TRIP13: variants seen among roughly 807,000 people sequenced by gnomAD.
TRIP13 encodes the protein pachytene checkpoint protein 2 homolog.
TRIP13 carries 25 observed loss-of-function variants against 54.4 expected under a neutral mutation model. The observed-to-expected ratio is 0.46, with a 90% confidence interval of 0.33 to 0.64. TRIP13 has a LOEUF of 0.64. Ranked by LOEUF, TRIP13 falls within the 30% of genes least tolerant of loss-of-function variation. TRIP13 has a pLI of 0.02. For missense variants in TRIP13, 373 were observed against 534.2 expected (o/e 0.70, Z 2.97); for synonymous variants, 207 against 207.8 (o/e 1.00, Z 0.03).
Position 912,005 on chromosome 5 carries a change from A to ATTT in TRIP13, c.1020+17_1020+19dup. On this transcript the variant is annotated intron_variant, in intron 10 of 12. Transcript: ENST00000166345. This position sits in a 1 kb window ranked among gnomAD's most constrained non-coding sequence, Gnocchi z 7.2. ...TGGAAGAACTGATGAAGGTACCTTT[A>ATTT]TTTTTTTTTTCCTCTTGATACAAAT... 1 of 1,529,062 alleles carries ATTT rather than the reference A, an allele frequency of 6.5e-7. No homozygotes were observed. Among genetic ancestry groups the ATTT allele is most frequent in the Non-Finnish European group, 8.8e-7 (1 of 1,130,970 alleles). The allele number at this position is 1,529,062 out of a possible 1,614,324, so 94.7% of individuals were successfully genotyped here.
At position 907,936 on chromosome 5, in the gene TRIP13, C is replaced by T; in HGVS notation, c.673-52C>T. 1 of 1,582,432 alleles carries T rather than the reference C, an allele frequency of 6.3e-7. No homozygotes were observed. Among genetic ancestry groups the T allele is most frequent in the Non-Finnish European group, 8.7e-7 (1 of 1,151,166 alleles). ...GGCCACATCAGGGTCCCCCTGTGCA[C>T]CTGGCAGTGTGGTCCCTGCACGTTG... is the stretch of plus-strand genomic sequence containing the variant. On this transcript the variant is annotated intron_variant, in intron 7 of 12. Coordinates refer to ENST00000166345, the MANE Select transcript of TRIP13 (RefSeq NM_004237.4). The surrounding 1 kb of genome is among the most constrained non-coding windows in gnomAD (Gnocchi z 4.1).
chr5:907,953 T>C lies in TRIP13; in HGVS notation c.673-35T>C, dbSNP rs1238740186. 1 of 1,610,716 alleles carries C rather than the reference T, an allele frequency of 6.2e-7. No homozygotes were observed. On this transcript the variant is annotated intron_variant, in intron 7 of 12. Transcript: ENST00000166345. The surrounding 1 kb of genome is among the most constrained non-coding windows in gnomAD (Gnocchi z 4.1). Reference sequence around the variant, plus strand: ...CCTGTGCACCTGGCAGTGTGGTCCCTGCACGTTGACACTAAAAGGGTGTTT... The same window carrying C: ...CCTGTGCACCTGGCAGTGTGGTCCCCGCACGTTGACACTAAAAGGGTGTTT...
intron 2 of TRIP13, 107 bp downstream of exon 2, chr5:895,059 C>T (rs574897827): frequency 1.6e-5 from 21 of 1,293,968 alleles, no homozygotes; most frequent in East Asian, 2.4e-5. Context: ...AGGTTCACTT[C>T]TCTGTTGGTT....
At chr5:901,223 G>A in intron 4 of TRIP13, 118 bp from the exon 5 acceptor site, 1 of 790,012 alleles carries the variant, frequency 1.3e-6, no homozygotes, top group Non-Finnish European at 2.0e-6. Flanking sequence ...TTAGGAGGCG[G>A]CCTCGCTCCC....
Position 912,049 on chromosome 5 carries a change from T to C in TRIP13, c.1020+53T>C. On this transcript the variant is annotated intron_variant, in intron 10 of 12. Transcript: ENST00000166345. The surrounding 1 kb of genome is among the most constrained non-coding windows in gnomAD (Gnocchi z 7.2). The stretch of plus-strand genomic sequence containing the variant: ...TACAAATGGATTTCTTATATGTTCT[T>C]AATTAATTAAGATAGCTTAAAATAA... 1 of 1,571,182 alleles carries C rather than the reference T, an allele frequency of 6.4e-7. No homozygotes were observed. Among genetic ancestry groups the C allele is most frequent in the Non-Finnish European group, 8.6e-7 (1 of 1,161,246 alleles).
chr5:912,107 C>A lies in TRIP13; in HGVS notation c.1020+111C>A. ...CCAGTACGGAGGATTTCAACATATG[C>A]ATTAACTCCCTTCTTAAATTGAAAA... On this transcript the variant is annotated intron_variant, in intron 10 of 12. Coordinates refer to ENST00000166345, the MANE Select transcript of TRIP13 (RefSeq NM_004237.4). This position sits in a 1 kb window ranked among gnomAD's most constrained non-coding sequence, Gnocchi z 7.2. The A allele has an allele frequency of 1.5e-6, 2 of 1,318,360 alleles. No individual in the cohort carries two copies. The highest frequency in any genetic ancestry group is 2.1e-6 in the Non-Finnish European group (2 of 970,342). 81.7% of individuals were successfully genotyped at this position (1,318,360 alleles called of 1,614,324 possible). A position where few individuals can be genotyped will look rare whatever the true frequency, so the allele number is the denominator to read the frequency against.
At chr5:903,162 G>C (rs1468167202) in intron 5 of TRIP13, among the ~76,000 whole-genome samples, 1 of 151,974 alleles carries the variant, frequency 6.6e-6, no homozygotes, top group African/African-American at 2.4e-5. Flanking sequence ...TCCCTTTCCC[G>C]GTCTGCTAAG....
intron 2 of TRIP13, among the ~76,000 whole-genome samples, chr5:896,074 G>A (rs1753907017): frequency 6.6e-6 from 1 of 152,240 alleles, no homozygotes. Flanking sequence ...AGCACTGTGG[G>A]AGAAGGATGG....
intron 1 of TRIP13, among the ~76,000 whole-genome samples, chr5:894,402 G>A (rs564269506): frequency 6.6e-6 from 1 of 152,352 alleles, no homozygotes; most frequent in South Asian, 2.1e-4. Flanking sequence ...TTGTTACAAT[G>A]CAGACCCCAG....
At chr5:910,537 G>C (rs1383580454) in intron 9 of TRIP13, among the ~76,000 whole-genome samples, 1 of 152,120 alleles carries the variant, frequency 6.6e-6, no homozygotes, top group Non-Finnish European at 1.5e-5. Context: ...GACGCTGATG[G>C]CCTCGCTGTG....
At chr5:901,581 C>G in intron 5 of TRIP13, 150 bp downstream of exon 5, 1 of 662,716 alleles carries the variant, frequency 1.5e-6, no homozygotes, top group Non-Finnish European at 2.6e-6. Context: ...GAAGCAGATC[C>G]AGCTCATGAC....
intron 1 of TRIP13, among the ~76,000 whole-genome samples, chr5:893,306 G>A (rs1005604183): frequency 6.6e-6 from 1 of 151,910 alleles, no homozygotes; most frequent in African/African-American, 2.4e-5. Flanking sequence ...CGGCCGACCC[G>A]AGCCCTGCGC....
In TRIP13 at chr5:917,197, T is replaced by C; in HGVS notation, c.*94T>C. On this transcript the variant is annotated 3_prime_UTR_variant, in exon 13 of 13. Transcript: ENST00000166345. The stretch of plus-strand genomic sequence containing the variant: ...CAGCCGTCTCCCAGGGAATCCCTTC[T>C]GCAAACCAAACGTTACTTAGACTGC... The C allele has an allele frequency of 1.6e-6, 2 of 1,246,678 alleles. No homozygotes were observed. Among genetic ancestry groups the C allele is most frequent in the Non-Finnish European group, 2.3e-6 (2 of 886,176 alleles). 77.2% of individuals were successfully genotyped at this position (1,246,678 alleles called of 1,614,324 possible).
At position 903,018 on chromosome 5, in the gene TRIP13, G is replaced by A. The variant is rs567194880; in HGVS notation, c.536-1130G>A. Among the ~76,000 whole-genome samples the A allele has an allele frequency of 1.2e-4, 19 of 152,340 alleles. No individual in the cohort carries two copies. In the East Asian group the frequency reaches 2.5e-3, roughly 20 times the overall value. ...GATGGAACATGAAGGCGGACTAGGA[G>A]CATGACCACTGAAGCACAGCATCAC... On this transcript the variant is annotated intron_variant, in intron 5 of 12. Coordinates refer to ENST00000166345, the MANE Select transcript of TRIP13 (RefSeq NM_004237.4).
chr5:907,333 A>G lies in TRIP13; in HGVS notation c.672+140A>G. On this transcript the variant is annotated intron_variant, in intron 7 of 12. Coordinates refer to ENST00000166345, the MANE Select transcript of TRIP13 (RefSeq NM_004237.4). The surrounding 1 kb of genome is among the most constrained non-coding windows in gnomAD (Gnocchi z 4.1). ...GTGAGGATTGGGGCTGACTGTGATC[A>G]GAGAAGGTTCCGGAGCTGGGGCCCT... The G allele has an allele frequency of 1.3e-6, 1 of 773,396 alleles. No homozygotes were observed. The highest frequency in any genetic ancestry group is 2.1e-6 in the Non-Finnish European group (1 of 474,712). The allele number at this position is 773,396 out of a possible 1,614,324, so 47.9% of individuals were successfully genotyped here. A position where few individuals can be genotyped will look rare whatever the true frequency, so the allele number is the denominator to read the frequency against.
chr5:900,449 T>G, intron 3 of TRIP13, 45 bp from the exon 4 acceptor site: 1 of 1,609,176 alleles, frequency 6.2e-7, no homozygotes, highest in Non-Finnish European at 8.5e-7. Context: ...GTGGCTGTAA[T>G]TGCTTGCCTT....
chr5:908,319 C>T lies in TRIP13; in HGVS notation c.760-36C>T. The stretch of plus-strand genomic sequence containing the variant: ...CATAGCTGCCTGTGAAGTGCCAGGC[C>T]CTGTCCTTTTTGACCCCACTGCTCC... On this transcript the variant is annotated intron_variant, in intron 8 of 12. Coordinates refer to ENST00000166345, the MANE Select transcript of TRIP13 (RefSeq NM_004237.4). The surrounding 1 kb of genome is among the most constrained non-coding windows in gnomAD (Gnocchi z 5.2). The T allele has an allele frequency of 6.2e-7, 1 of 1,604,034 alleles. No homozygotes were observed. Among genetic ancestry groups the T allele is most frequent in the South Asian group, 1.1e-5 (1 of 91,006 alleles).
intron 5 of TRIP13, among the ~76,000 whole-genome samples, chr5:902,354 A>T (rs1023465957): frequency 6.6e-6 from 1 of 152,190 alleles, no homozygotes; most frequent in African/African-American, 2.4e-5. Flanking sequence ...TTAAAACACA[A>T]TGTTCTTTTA....
At chr5:896,586 C>A in intron 2 of TRIP13, 79 bp from the exon 3 acceptor site, 7 of 1,466,868 alleles carry the variant, frequency 4.8e-6, no homozygotes, top group Non-Finnish European at 6.5e-6. Flanking sequence ...TATTTGTAGA[C>A]CTTAACATCT....
Sources: allele counts gnomAD v4.1 joint callset (sites outside exome capture counted in the v4.1 genomes callset), GRCh38; gene constraint gnomAD v4.1.1; non-coding constraint Gnocchi (gnomAD v3.1); transcripts MANE v1.5; gene names NCBI Gene and HGNC (gene_info 2026-07-23, HGNC 2026-07-21).